The following EYA4 variants were observed in gnomAD, a reference collection of about 807,000 sequenced individuals.
EYA4 encodes EYA transcriptional coactivator and phosphatase 4.
In EYA4, 31 loss-of-function variants were observed where a neutral mutation model predicts 87.9. That is an observed-to-expected ratio of 0.35 (90% CI 0.27 to 0.48). EYA4 has a LOEUF of 0.48. Among genes scored for constraint, EYA4 ranks in the 20% least tolerant of loss-of-function variants. The pLI, the probability that EYA4 is intolerant of heterozygous loss-of-function variation, is 0.99. For synonymous variants in EYA4, 263 were observed against 270.6 expected (o/e 0.97, Z 0.28); for missense variants, 678 against 761.4 (o/e 0.89, Z 1.29).
intron 13 of EYA4, among the ~76,000 whole-genome samples, chr6:133,499,234 T>A (rs534808670): frequency 1.3e-5 from 2 of 152,276 alleles, no homozygotes; most frequent in South Asian, 4.1e-4. Flanking sequence ...AGGCATTTCC[T>A]CCTATAGCCA....
intron 2 of EYA4, among the ~76,000 whole-genome samples, chr6:133,288,554 A>G (rs1030019447): frequency 2.6e-5 from 4 of 152,126 alleles, no homozygotes; most frequent in Non-Finnish European, 4.4e-5. Flanking sequence ...AGAACATGTT[A>G]AACTAGCAAT....
chr6:133,274,677 A>G, intron 1 of EYA4, 39 bp from the exon 2 acceptor site: 4 of 937,708 alleles, frequency 4.3e-6, no homozygotes, highest in East Asian at 2.4e-5. Flanking sequence ...GAATATAAAG[A>G]TAACATTTTT....
chr6:133,372,042 T>C (rs1316428620), intron 2 of EYA4, among the ~76,000 whole-genome samples: 1 of 152,128 alleles, frequency 6.6e-6, no homozygotes, highest in Non-Finnish European at 1.5e-5. Context: ...CTGCAGAGTG[T>C]ATTTAATTGT....
chr6:133,459,089 C>A (rs546226144), intron 6 of EYA4, among the ~76,000 whole-genome samples: 1 of 152,224 alleles, frequency 6.6e-6, no homozygotes, highest in East Asian at 1.9e-4. Context: ...CACTTTAATC[C>A]AATTTTGTTG....
intron 2 of EYA4, among the ~76,000 whole-genome samples, chr6:133,324,652 A>G (rs1781351351): frequency 1.3e-5 from 2 of 152,148 alleles, no homozygotes; most frequent in African/African-American, 4.8e-5. Flanking sequence ...GTGGAAAGAT[A>G]GGAGACCAAT....
At chr6:133,433,587 C>G (rs112463464) in intron 3 of EYA4, among the ~76,000 whole-genome samples, 3,407 of 152,286 alleles carry the variant, frequency 0.022, 117 homozygotes, top group African/African-American at 0.078. Context: ...ATCTCTTGAC[C>G]TCATGATCCA....
At chr6:133,474,841 GT>G (rs1462406209) in intron 11 of EYA4, among the ~76,000 whole-genome samples, 1 of 152,118 alleles carries the variant, frequency 6.6e-6, no homozygotes, top group Non-Finnish European at 1.5e-5. Flanking sequence ...TGGACTTAAA[GT>G]AGAAACCTAA....
At chr6:133,261,100 T>C (rs1166800252) in intron 1 of EYA4, among the ~76,000 whole-genome samples, 1 of 152,186 alleles carries the variant, frequency 6.6e-6, no homozygotes, top group Non-Finnish European at 1.5e-5. Flanking sequence ...ATATTATCCC[T>C]CATATCCACT....
chr6:133,467,412 G>A (rs1304883999), intron 10 of EYA4, among the ~76,000 whole-genome samples: 5 of 152,048 alleles, frequency 3.3e-5, no homozygotes, highest in South Asian at 2.1e-4. Context: ...ATATATCTGA[G>A]CCCTTAGAAC....
intron 3 of EYA4, among the ~76,000 whole-genome samples, chr6:133,410,629 G>GTGTTTTTTTTTTTTTTTTT (rs1554252058): frequency 6.7e-6 from 1 of 148,366 alleles, no homozygotes; most frequent in African/African-American, 2.4e-5. Flanking sequence ...TAGAACTAAG[G>GTGTTTTTTTTTTTTTTTTT]TCTTAATTCC....
At chr6:133,427,263 T>C (rs1450553643) in intron 3 of EYA4, among the ~76,000 whole-genome samples, 1 of 152,224 alleles carries the variant, frequency 6.6e-6, no homozygotes, top group Non-Finnish European at 1.5e-5. Flanking sequence ...TATTCACTTA[T>C]CTAAAATGTA....
At chr6:133,481,801 A>G (rs2128708204) in intron 12 of EYA4, among the ~76,000 whole-genome samples, 1 of 152,316 alleles carries the variant, frequency 6.6e-6, no homozygotes, top group Non-Finnish European at 1.5e-5. Flanking sequence ...AGAACAAATA[A>G]CAGTATAAAA....
At chr6:133,270,056 G>A (rs1264826957) in intron 1 of EYA4, among the ~76,000 whole-genome samples, 3 of 152,162 alleles carry the variant, frequency 2.0e-5, no homozygotes, top group African/African-American at 7.2e-5. Context: ...ACTGGCAGCG[G>A]ATTAGATTGT....
At chr6:133,336,743 A>T (rs1303154439) in intron 2 of EYA4, among the ~76,000 whole-genome samples, 1 of 152,234 alleles carries the variant, frequency 6.6e-6, no homozygotes, top group Non-Finnish European at 1.5e-5. Flanking sequence ...ACTTATTTCC[A>T]AACGATTTAA....
intron 2 of EYA4, among the ~76,000 whole-genome samples, chr6:133,299,164 T>C (rs1779172185): frequency 2.0e-5 from 3 of 152,074 alleles, no homozygotes; most frequent in Admixed American, 6.6e-5. Context: ...AGGTGGGAAC[T>C]CCAATGGGAT....
At position 133,426,977 on chromosome 6, in the gene EYA4, AT is replaced by A. The variant is rs539165383; in HGVS notation, c.84-19649del. ...TTTCTCTCTATATATCGGAATCTAT[AT>A]TTTCCCCCCTACCCTATACTAGAAT... On this transcript the variant is annotated intron_variant, in intron 3 of 19. Transcript: ENST00000355286. Among the ~76,000 whole-genome samples the A allele has an allele frequency of 1.9e-3, 290 of 152,236 alleles. 1 individual carries two copies. The highest frequency in any genetic ancestry group is 3.3e-3 in the Admixed American group (51 of 15,290).
At chr6:133,269,491 A>C (rs1275494188) in intron 1 of EYA4, among the ~76,000 whole-genome samples, 1 of 139,884 alleles carries the variant, frequency 7.1e-6, no homozygotes, top group Non-Finnish European at 1.5e-5. Flanking sequence ...AAGAATGAAA[A>C]AAACATACCT....
intron 13 of EYA4, among the ~76,000 whole-genome samples, chr6:133,483,570 C>A (rs1196118094): frequency 6.6e-6 from 1 of 151,766 alleles, no homozygotes; most frequent in Non-Finnish European, 1.5e-5. Context: ...GACTTGAGTA[C>A]ACATATGAAC....
intron 12 of EYA4, among the ~76,000 whole-genome samples, chr6:133,482,265 G>A (rs984705035): frequency 6.6e-6 from 1 of 152,198 alleles, no homozygotes; most frequent in Admixed American, 6.5e-5. Context: ...CAGACGTTGT[G>A]ATTCTTTATA....
Sources: gnomAD v4.1 joint callset for allele counts (sites outside exome capture counted in the v4.1 genomes callset) on GRCh38, gnomAD v4.1.1 for gene constraint, MANE v1.5 for transcripts, NCBI Gene and HGNC (gene_info 2026-07-23, HGNC 2026-07-21) for gene names.